SYT2: variants seen among roughly 807,000 people sequenced by gnomAD.
SYT2 encodes synaptotagmin 2, also known as synaptotagmin-2.
Under a neutral mutation model 39.9 loss-of-function variants are expected in SYT2, and 15 were observed. That is an observed-to-expected ratio of 0.38 (90% CI 0.25 to 0.58). The LOEUF (loss-of-function observed/expected upper bound fraction) is 0.58. Among genes scored for constraint, SYT2 ranks in the 20% least tolerant of loss-of-function variants. SYT2 has a pLI of 0.70. For missense variants in SYT2, 389 were observed against 530.3 expected, an observed-to-expected ratio of 0.73 and a Z score of 2.62; for synonymous variants, 181 against 204.5, an observed-to-expected ratio of 0.89 and a Z score of 0.98.
In SYT2 at chr1:202,593,180, G is replaced by A. The variant is rs1233950770; in HGVS notation, c.*3577C>T. On this transcript the variant is annotated 3_prime_UTR_variant, in exon 9 of 9. Coordinates refer to ENST00000367268, the MANE Select transcript of SYT2 (RefSeq NM_177402.5). ...ATCTCTTTCTACCTTTGAGTGGGAG[G>A]GGACACCCTCAGGGACAGTTTTTCT... is the stretch of plus-strand genomic sequence containing the variant. 3.9e-5 allele frequency: 6 copies of A among 152,286 alleles called. No homozygotes were observed. The highest frequency in any genetic ancestry group is 4.4e-5 in the Non-Finnish European group (3 of 68,120). The allele number at this position is 152,286 out of a possible 1,614,324, so 9.4% of individuals were successfully genotyped here. A position where few individuals can be genotyped will look rare whatever the true frequency, so the allele number is the denominator to read the frequency against.
In SYT2 at chr1:202,595,387, A is replaced by G. The variant is rs1413563876; in HGVS notation, c.*1370T>C. 3 of 152,232 alleles carry G rather than the reference A, an allele frequency of 2.0e-5. No homozygotes were observed. The East Asian group carries it at 5.8e-4, about 29-fold the overall frequency. 9.4% of individuals were successfully genotyped at this position (152,232 alleles called of 1,614,324 possible). A position where few individuals can be genotyped will look rare whatever the true frequency, so the allele number is the denominator to read the frequency against. ...TAGCATTCATAGAGAGAAGCCCCCT[A>G]ATGGTAGGACGGGTCCTTCCCATAG... On this transcript the variant is annotated 3_prime_UTR_variant, in exon 9 of 9. Coordinates refer to ENST00000367268, the MANE Select transcript of SYT2 (RefSeq NM_177402.5).
intron 1 of SYT2, among the ~76,000 whole-genome samples, chr1:202,687,471 G>C (rs1653698862): frequency 6.6e-6 from 1 of 152,138 alleles, no homozygotes; most frequent in Non-Finnish European, 1.5e-5. Flanking sequence ...GCAGAACCTA[G>C]CTCTGGGTGG....
chr1:202,625,159 GTC>G (rs1691353803), intron 1 of SYT2, among the ~76,000 whole-genome samples: 1 of 46,050 alleles, frequency 2.2e-5, no homozygotes, highest in African/African-American at 1.0e-4. Context: ...TGTGTGGTGT[GTC>G]TGTGTGGTGT....
chr1:202,634,742 C>T (rs1691696381), intron 1 of SYT2, among the ~76,000 whole-genome samples: 1 of 152,112 alleles, frequency 6.6e-6, no homozygotes, highest in Non-Finnish European at 1.5e-5. Flanking sequence ...TGTGGCTAAA[C>T]CTTGAAAGCA....
At chr1:202,649,647 A>G (rs1394060482) in intron 1 of SYT2, among the ~76,000 whole-genome samples, 1 of 152,202 alleles carries the variant, frequency 6.6e-6, no homozygotes, top group Admixed American at 6.5e-5. Context: ...CCTGTGCCAT[A>G]TGCCTTGCCA....
chr1:202,642,884 G>T (rs1393130686), intron 1 of SYT2, among the ~76,000 whole-genome samples: 1 of 152,208 alleles, frequency 6.6e-6, no homozygotes, highest in East Asian at 1.9e-4. Flanking sequence ...GCGGCGAGTC[G>T]CCTTCGCTTC....
intron 1 of SYT2, among the ~76,000 whole-genome samples, chr1:202,678,622 G>C (rs577597912): frequency 2.4e-4 from 37 of 151,894 alleles, no homozygotes; most frequent in Admixed American, 6.6e-4. Flanking sequence ...TATAGGCCTC[G>C]AGAGGTACTG....
At chr1:202,691,727 G>GAGAGAGA (rs1558463384) in intron 1 of SYT2, among the ~76,000 whole-genome samples, 7 of 19,014 alleles carry the variant, frequency 3.7e-4, no homozygotes, top group African/African-American at 1.2e-3. Flanking sequence ...GAGAGGGAGA[G>GAGAGAGA]GGGGGGAGAG....
chr1:202,606,641 G>A lies in SYT2; in HGVS notation c.-17-852C>T, dbSNP rs535034514. On this transcript the variant is annotated intron_variant, in intron 1 of 8. Transcript: ENST00000367268. ...TCTCCATCTCTAGCCCTTCCTCCCC[G>A]GTCTACTCTGTGGCCCCTACTCCAG... Among the ~76,000 whole-genome samples the A allele has an allele frequency of 4.9e-4, 74 of 152,144 alleles. 1 individual carries two copies. The highest frequency in any genetic ancestry group is 1.7e-3 in the African/African-American group (69 of 41,488).
At chr1:202,683,196 A>G (rs1217520667) in intron 1 of SYT2, among the ~76,000 whole-genome samples, 2 of 152,216 alleles carry the variant, frequency 1.3e-5, no homozygotes, top group East Asian at 3.9e-4. Flanking sequence ...CAAGCAAAAC[A>G]TACATACCCC....
intron 4 of SYT2, 42 bp downstream of exon 4, chr1:202,602,957 T>C: frequency 3.8e-6 from 6 of 1,563,738 alleles, no homozygotes; most frequent in Non-Finnish European, 5.2e-6. Context: ...CTCCCAGGCC[T>C]CTCCCCATTC....
At chr1:202,661,235 G>A (rs900267121) in intron 1 of SYT2, among the ~76,000 whole-genome samples, 1 of 151,934 alleles carries the variant, frequency 6.6e-6, no homozygotes, top group Admixed American at 6.6e-5. Flanking sequence ...TAGCCCTTAG[G>A]ACCACCTGCC....
chr1:202,663,607 A>T (rs769082691), intron 1 of SYT2, among the ~76,000 whole-genome samples: 2 of 152,218 alleles, frequency 1.3e-5, no homozygotes, highest in Non-Finnish European at 2.9e-5. Context: ...AATATGCCTC[A>T]TGTGCTCGTC....
intron 1 of SYT2, among the ~76,000 whole-genome samples, chr1:202,684,513 C>T (rs935939608): frequency 3.3e-5 from 5 of 152,138 alleles, no homozygotes; most frequent in Admixed American, 6.5e-5. Flanking sequence ...CGTGTATATG[C>T]GCCATATTTT....
chr1:202,695,921 A>G (rs761624612), intron 1 of SYT2, among the ~76,000 whole-genome samples: 2 of 152,220 alleles, frequency 1.3e-5, no homozygotes, highest in Non-Finnish European at 2.9e-5. Context: ...CATTTGTGAT[A>G]CCACGGTCCC....
intron 1 of SYT2, among the ~76,000 whole-genome samples, chr1:202,708,765 C>A (rs551103614): frequency 8.4e-4 from 128 of 152,336 alleles, no homozygotes; most frequent in Middle Eastern, 3.4e-3. Context: ...TCAGAGCCAC[C>A]CTGCCCCCTT....
At chr1:202,708,042 C>T (rs1282454391) in intron 1 of SYT2, among the ~76,000 whole-genome samples, 3 of 152,278 alleles carry the variant, frequency 2.0e-5, no homozygotes, top group South Asian at 4.1e-4. Context: ...CTCGGCCCTG[C>T]GAGGTCTTCA....
intron 1 of SYT2, among the ~76,000 whole-genome samples, chr1:202,650,186 G>A (rs1409494055): frequency 2.0e-5 from 3 of 152,232 alleles, no homozygotes; most frequent in Non-Finnish European, 4.4e-5. Flanking sequence ...TCCCCTGTCT[G>A]CGGGTATGTA....
rs75288238 is a variant in SYT2, at chr1:202,673,835, C to A, written c.-18+36423G>T. Among the ~76,000 whole-genome samples the A allele has an allele frequency of 4.4e-3, 665 of 152,326 alleles. 3 individuals carry two copies. The highest frequency in any genetic ancestry group is 6.7e-3 in the Non-Finnish European group (453 of 68,042). On this transcript the variant is annotated intron_variant, in intron 1 of 8. Transcript: ENST00000367268. ...GAGATTTATTTAGCACATTTATGCT[C>A]AACAGAGAAGACAATTCCTCACAGA...
Sources: allele counts gnomAD v4.1 joint callset (sites outside exome capture counted in the v4.1 genomes callset), GRCh38; gene constraint gnomAD v4.1.1; transcripts MANE v1.5; gene names NCBI Gene and HGNC (gene_info 2026-07-23, HGNC 2026-07-21).